Variants in OTOGL observed in about 807,000 individuals in gnomAD.
OTOGL encodes otogelin like, also known as otogelin-like protein.
A neutral mutation model predicts 318.5 loss-of-function variants in OTOGL; 285 were observed. The ratio of observed to expected loss-of-function variants is 0.89; its 90% CI spans 0.81 to 0.99. The LOEUF is 0.99. Ranked by LOEUF, OTOGL falls within the 50% of genes least tolerant of loss-of-function variation. OTOGL has a pLI of 0.00. For missense variants in OTOGL, 2,899 were observed against 2,845.6 expected (o/e 1.02, Z -0.43); for synonymous variants, 987 against 936.5 (o/e 1.05, Z -0.99).
At position 80,336,823 on chromosome 12, in the gene OTOGL, G is replaced by A; in HGVS notation, c.4767+3G>A. The A allele has an allele frequency of 6.5e-7, 1 of 1,529,668 alleles. No homozygotes were observed. 94.8% of individuals were successfully genotyped at this position (1,529,668 alleles called of 1,614,324 possible). A position where few individuals can be genotyped will look rare whatever the true frequency, so the allele number is the denominator to read the frequency against. ...ATGGAAACTCCTTAAAAAAGCTAGTGAGTATTTGCAAAGTGTTTAGTACAT... is the reference window on the plus strand; with the variant it reads ...ATGGAAACTCCTTAAAAAAGCTAGTAAGTATTTGCAAAGTGTTTAGTACAT... On this transcript the variant is annotated splice_donor_region_variant and intron_variant, in intron 41 of 58. Transcript: ENST00000547103.
intron 38 of OTOGL, among the ~76,000 whole-genome samples, chr12:80,335,340 AG>A (rs529302747): frequency 5.9e-4 from 90 of 152,240 alleles, no homozygotes; most frequent in African/African-American, 2.2e-3. Context: ...GAGGGTTAAG[AG>A]AATGAAATGG....
chr12:80,333,689 T>C (rs1453520055), intron 38 of OTOGL, among the ~76,000 whole-genome samples: 1 of 152,164 alleles, frequency 6.6e-6, no homozygotes, highest in Admixed American at 6.6e-5. Flanking sequence ...AATGAAGTTA[T>C]ATAAAATGTC....
intron 50 of OTOGL, 48 bp from the exon 51 acceptor site, chr12:80,358,623 T>C (rs779240339): frequency 7.0e-7 from 1 of 1,426,866 alleles, no homozygotes; most frequent in South Asian, 1.2e-5. Flanking sequence ...TAATGAGAAA[T>C]GGCAACTCTA....
At chr12:80,219,968 G>C in intron 6 of OTOGL, 56 bp downstream of exon 6, 2 of 1,259,196 alleles carry the variant, frequency 1.6e-6, no homozygotes, top group Non-Finnish European at 2.2e-6. Context: ...GAAAATTAAG[G>C]CATAATTTGC....
At chr12:80,358,209 T>G in intron 49 of OTOGL, 39 bp from the exon 50 acceptor site, 1 of 1,339,646 alleles carries the variant, frequency 7.5e-7, no homozygotes, top group Non-Finnish European at 1.1e-6. Flanking sequence ...TCATGGTTTT[T>G]AGCTCAGCTG....
intron 26 of OTOGL, among the ~76,000 whole-genome samples, chr12:80,289,946 A>G (rs1884922815): frequency 6.6e-6 from 1 of 151,704 alleles, no homozygotes; most frequent in African/African-American, 2.4e-5. Context: ...TGGGGTATGA[A>G]AAAAAAAACT....
At chr12:80,219,120 T>A (rs1351485518) in intron 5 of OTOGL, among the ~76,000 whole-genome samples, 1 of 152,054 alleles carries the variant, frequency 6.6e-6, no homozygotes, top group East Asian at 1.9e-4. Context: ...ATTCTTTTTT[T>A]GTTGTTGTTG....
chr12:80,101,062 C>T (rs570336491), intron 1 of OTOGL, among the ~76,000 whole-genome samples: 13 of 152,182 alleles, frequency 8.5e-5, no homozygotes, highest in African/African-American at 3.1e-4. Context: ...GGTGAATAAC[C>T]ATGCAATGAA....
chr12:80,336,149 G>A lies in OTOGL; in HGVS notation c.4600+9G>A. Reference sequence around the variant, plus strand: ...TGAGTGGGAATGTCCTTGTAAGTTTGCATTTCTTAAGCGGTGATCTTTTTT... The same window carrying A: ...TGAGTGGGAATGTCCTTGTAAGTTTACATTTCTTAAGCGGTGATCTTTTTT... On this transcript the variant is annotated intron_variant, in intron 39 of 58. Coordinates refer to ENST00000547103, the MANE Select transcript of OTOGL (RefSeq NM_001378609.3). 6.4e-7 allele frequency: 1 copy of A among 1,562,042 alleles called. No individual in the cohort carries two copies.
At chr12:80,107,999 A>G (rs1869557103) in intron 1 of OTOGL, among the ~76,000 whole-genome samples, 1 of 152,128 alleles carries the variant, frequency 6.6e-6, no homozygotes, top group African/African-American at 2.4e-5. Context: ...ATTGGGTACT[A>G]TGTTTATTAC....
chr12:80,221,634 T>C (rs944707099), intron 6 of OTOGL, among the ~76,000 whole-genome samples: 6 of 151,640 alleles, frequency 4.0e-5, no homozygotes, highest in South Asian at 2.1e-4. Flanking sequence ...AAATATGACT[T>C]TTTTTGGTCA....
intron 35 of OTOGL, among the ~76,000 whole-genome samples, chr12:80,324,550 A>G (rs779198650): frequency 1.5e-4 from 23 of 152,224 alleles, no homozygotes; most frequent in Non-Finnish European, 2.5e-4. Flanking sequence ...GCTGCATTTT[A>G]GGCAGCTGAG....
Position 80,222,096 on chromosome 12 carries a change from A to T in OTOGL, c.340A>T (p.Asn114Tyr). 6.3e-7 allele frequency: 1 copy of T among 1,597,494 alleles called. No individual in the cohort carries two copies. Among genetic ancestry groups the T allele is most frequent in the Non-Finnish European group, 8.5e-7 (1 of 1,178,760 alleles). ...ALGTRCQIIP[N>Y]MGNGRDGICK... Reference sequence around the variant, plus strand: ...ATTATCCTGTTTCTTTTCAGTCCCAAACATGGGCAACGGCAGAGATGGGAT... The same window carrying T: ...ATTATCCTGTTTCTTTTCAGTCCCATACATGGGCAACGGCAGAGATGGGAT... Residue 114 changes from asparagine (N) to tyrosine (Y), a missense_variant, in exon 7 of 59, where the codon AAC (asparagine) becomes TAC (tyrosine). Asn to Tyr is a moderately radical substitution (Grantham distance 143). This residue lies in a region of OTOGL where 2,607 missense variants were observed against 2,524.9 expected (regional missense o/e 1.03). Transcript: ENST00000547103.
intron 1 of OTOGL, among the ~76,000 whole-genome samples, chr12:80,152,007 A>C (rs528069527): frequency 6.6e-5 from 10 of 152,210 alleles, no homozygotes; most frequent in Admixed American, 1.3e-4. Flanking sequence ...AAGTCAAATA[A>C]CTGTCCCCCA....
At chr12:80,194,843 G>C (rs896019612) in intron 1 of OTOGL, among the ~76,000 whole-genome samples, 1 of 151,606 alleles carries the variant, frequency 6.6e-6, no homozygotes, top group Non-Finnish European at 1.5e-5. Context: ...TACCAAACTG[G>C]AAACATTGTA....
intron 1 of OTOGL, among the ~76,000 whole-genome samples, chr12:80,134,937 A>C (rs1288744538): frequency 6.6e-6 from 1 of 152,206 alleles, no homozygotes; most frequent in African/African-American, 2.4e-5. Context: ...ATTTACAGGT[A>C]GTCTTCAGCA....
chr12:80,371,867 C>A (rs887762935), intron 56 of OTOGL, among the ~76,000 whole-genome samples, 152 bp from the exon 57 acceptor site: 3 of 148,864 alleles, frequency 2.0e-5, no homozygotes, highest in Non-Finnish European at 4.5e-5. Context: ...AAAACAAGTT[C>A]TTTTTAGTAA....
At chr12:80,130,250 C>T (rs11114328) in intron 1 of OTOGL, among the ~76,000 whole-genome samples, 1 of 151,948 alleles carries the variant, frequency 6.6e-6, no homozygotes, top group Non-Finnish European at 1.5e-5. Context: ...GAATGCATCT[C>T]TTCTGATAAT....
intron 1 of OTOGL, among the ~76,000 whole-genome samples, chr12:80,144,774 T>A (rs1872220362): frequency 1.3e-5 from 2 of 152,224 alleles, no homozygotes; most frequent in African/African-American, 4.8e-5. Context: ...GGTATCTCAT[T>A]GTGGTTTTGA....
Sources: allele counts gnomAD v4.1 joint callset (sites outside exome capture counted in the v4.1 genomes callset), GRCh38; gene constraint gnomAD v4.1.1; regional missense constraint gnomAD v4.1.1; transcripts MANE v1.5; gene names NCBI Gene and HGNC (gene_info 2026-07-23, HGNC 2026-07-21).